The following DPP6 variants were observed in gnomAD, a reference collection of about 807,000 sequenced individuals.
DPP6 encodes dipeptidyl peptidase like 6.
Under a neutral mutation model 122.6 loss-of-function variants are expected in DPP6, and 69 were observed. The observed-to-expected ratio is 0.56, with a 90% CI of 0.46 to 0.69. DPP6 has a LOEUF of 0.69. Among genes scored for constraint, DPP6 ranks in the 30% least tolerant of loss-of-function variants. The pLI, the probability that DPP6 is intolerant of heterozygous loss-of-function variation, is 0.00. For synonymous variants in DPP6, 418 were observed against 433.1 expected (o/e 0.97, Z 0.43); for missense variants, 928 against 1,116.9 (o/e 0.83, Z 2.41).
intron 12 of DPP6, among the ~76,000 whole-genome samples, chr7:154,798,813 C>A (rs1327089409): frequency 6.6e-6 from 1 of 152,242 alleles, no homozygotes; most frequent in Non-Finnish European, 1.5e-5. Flanking sequence ...TTCATGGACC[C>A]TATTTTTCAA....
chr7:154,181,718 G>A (rs969603752), intron 1 of DPP6, among the ~76,000 whole-genome samples: 2 of 150,476 alleles, frequency 1.3e-5, no homozygotes, highest in African/African-American at 2.4e-5. Context: ...AACACTTGAG[G>A]TGTGGTGCAC....
chr7:154,050,465 C>A (rs1351185491), upstream of DPP6, among the ~76,000 whole-genome samples: 1 of 151,856 alleles, frequency 6.6e-6, no homozygotes, highest in Non-Finnish European at 1.5e-5. Context: ...TAAGTGGGAC[C>A]CTAACTGCAT....
rs185903122 is a variant in DPP6 at position 154,496,257 on chromosome 7, A to G, written c.457+21220A>G. On this transcript the variant is annotated intron_variant, in intron 3 of 25. Coordinates refer to ENST00000377770, the MANE Select transcript of DPP6 (RefSeq NM_130797.4). ...CTCTTAAACATACTACATACACTCC[A>G]TAGTCTCAGAATCCAAGACTGCAAA... Among the ~76,000 whole-genome samples the G allele has an allele frequency of 3.7e-3, 571 of 152,320 alleles. 10 individuals are homozygous for G. The South Asian group carries it at 0.055, about 15-fold the overall frequency.
At chr7:154,402,667 G>A (rs964525799) in intron 1 of DPP6, among the ~76,000 whole-genome samples, 7 of 149,970 alleles carry the variant, frequency 4.7e-5, no homozygotes, top group Non-Finnish European at 8.9e-5. Flanking sequence ...GTTAGTGGGT[G>A]CAGCGCACCA....
At chr7:154,634,722 C>T (rs926584311) in intron 5 of DPP6, among the ~76,000 whole-genome samples, 2 of 151,812 alleles carry the variant, frequency 1.3e-5, no homozygotes, top group Non-Finnish European at 2.9e-5. Context: ...TCCTTCTTCT[C>T]TTTCTTCTTG....
At chr7:154,791,589 G>C (rs938731232) in intron 10 of DPP6, among the ~76,000 whole-genome samples, 2 of 152,158 alleles carry the variant, frequency 1.3e-5, no homozygotes, top group Admixed American at 6.5e-5. Context: ...GAGATTTGCC[G>C]GGGGGACATG....
intron 1 of DPP6, among the ~76,000 whole-genome samples, chr7:154,067,474 A>G (rs561476033): frequency 6.6e-6 from 1 of 152,156 alleles, no homozygotes; most frequent in Admixed American, 6.5e-5. Flanking sequence ...AAGCAGCAGC[A>G]TCAGGGAGAG....
At chr7:154,054,246 C>T (rs564087418) in intron 1 of DPP6, among the ~76,000 whole-genome samples, 6 of 152,322 alleles carry the variant, frequency 3.9e-5, no homozygotes, top group African/African-American at 1.4e-4. Flanking sequence ...GTCATTACCT[C>T]TCTGCAGCCT....
At chr7:154,222,094 C>T (rs555371608) in intron 1 of DPP6, among the ~76,000 whole-genome samples, 4 of 152,278 alleles carry the variant, frequency 2.6e-5, no homozygotes, top group Non-Finnish European at 5.9e-5. Flanking sequence ...CCCACTTGCT[C>T]TTCCTGATGA....
chr7:154,637,832 C>T lies in DPP6; in HGVS notation c.639C>T (p.His213=). 1 of 1,582,486 alleles carries T rather than the reference C, an allele frequency of 6.3e-7. No individual in the cohort carries two copies. Among genetic ancestry groups the T allele is most frequent in the Non-Finnish European group, 8.6e-7 (1 of 1,162,556 alleles). The change falls in exon 6 of 26, where the codon CAC becomes CAT. Residue 213 remains histidine (H), a synonymous_variant. Coordinates refer to ENST00000377770, the MANE Select transcript of DPP6 (RefSeq NM_130797.4). ...FSYNVEPIYQ[H]SYTGYYVLSK... ...TTTGTCTGTTGCAGATATATCAACA[C>T]TCGTATACTGGATATTACGTCCTGA...
At chr7:154,535,133 C>T (rs1336000051) in intron 3 of DPP6, among the ~76,000 whole-genome samples, 2 of 151,942 alleles carry the variant, frequency 1.3e-5, no homozygotes, top group Non-Finnish European at 2.9e-5. Context: ...ACAATCTTTT[C>T]AACAACGTAC....
chr7:154,574,153 C>T lies in DPP6; in HGVS notation c.627+7237C>T, dbSNP rs951952696. On this transcript the variant is annotated intron_variant, in intron 5 of 25. Transcript: ENST00000377770. ...GCCCAAACAATGGTTCTTTTCTCAA[C>T]AAAATGCAAACTTTGTTAAGGTAAT... 7.9e-5 allele frequency among the ~76,000 whole-genome samples: 12 copies of T among 152,134 alleles called. No individual in the cohort carries two copies. The East Asian group carries it at 2.1e-3, about 27-fold the overall frequency.
chr7:154,774,036 T>G (rs1796417205), intron 10 of DPP6, among the ~76,000 whole-genome samples: 1 of 152,124 alleles, frequency 6.6e-6, no homozygotes, highest in South Asian at 2.1e-4. Flanking sequence ...TGTTGTAAGA[T>G]CCCCAAGTGG....
intron 6 of DPP6, among the ~76,000 whole-genome samples, chr7:154,638,641 T>G (rs1442559387): frequency 3.4e-5 from 5 of 148,128 alleles, no homozygotes; most frequent in Non-Finnish European, 6.0e-5. Flanking sequence ...CACACGACCC[T>G]CAGATGCCTG....
chr7:154,680,846 G>A (rs1038755824), intron 7 of DPP6, among the ~76,000 whole-genome samples: 1 of 152,092 alleles, frequency 6.6e-6, no homozygotes, highest in Non-Finnish European at 1.5e-5. Context: ...TCACCCTCCG[G>A]GGATCACAGT....
intron 1 of DPP6, among the ~76,000 whole-genome samples, chr7:153,951,132 T>G (rs1802191806): frequency 6.6e-6 from 1 of 152,142 alleles, no homozygotes; most frequent in Non-Finnish European, 1.5e-5. Context: ...AAGTTCCCAT[T>G]GTCTATCCAC....
At chr7:153,991,757 A>G (rs1797189218) in intron 1 of DPP6, among the ~76,000 whole-genome samples, 1 of 152,182 alleles carries the variant, frequency 6.6e-6, no homozygotes, top group East Asian at 1.9e-4. Context: ...CTGATGTTCC[A>G]GGAGGTTCTT....
chr7:153,952,019 G>A (rs1483995677), intron 1 of DPP6, among the ~76,000 whole-genome samples: 2 of 152,148 alleles, frequency 1.3e-5, no homozygotes, highest in African/African-American at 2.4e-5. Context: ...CTCCAGCCTC[G>A]GTGACAGAGC....
chr7:153,810,653 TCC>T, the DPP6 span, among the ~76,000 whole-genome samples: 1 of 65,390 alleles, frequency 1.5e-5, no homozygotes, highest in Admixed American at 1.2e-4. Context: ...TCCAAATCGC[TCC>T]CTCTCCTCTC....
Sources: gnomAD v4.1 joint callset for allele counts (sites outside exome capture counted in the v4.1 genomes callset) on GRCh38, gnomAD v4.1.1 for gene constraint, MANE v1.5 for transcripts, NCBI Gene and HGNC (gene_info 2026-07-23, HGNC 2026-07-21) for gene names.